POLD1: variants seen among roughly 807,000 people sequenced by gnomAD.
POLD1 encodes the protein DNA polymerase delta catalytic subunit.
Under a neutral mutation model 129.7 loss-of-function variants are expected in POLD1, and 79 were observed. The observed-to-expected ratio is 0.61, with a 90% CI of 0.51 to 0.73. The LOEUF is 0.73. POLD1 is among the 30% of genes least tolerant of loss of function. The probability of loss-of-function intolerance (pLI) is 0.00; values close to 1 mark genes in which losing one functional copy is unlikely to be tolerated. For missense variants in POLD1, 1,338 were observed against 1,595.8 expected, an observed-to-expected ratio of 0.84 and a Z score of 2.75; for synonymous variants, 714 against 683.3, an observed-to-expected ratio of 1.04 and a Z score of -0.70.
At position 50,406,032 on chromosome 19, in the gene POLD1, A is replaced by T; in HGVS notation, c.1243-150A>T. ...CCCTCCCCAGTCTCCAGCCACCCAC[A>T]CCCAGCCCCAGACCGTCTTTCTGCC... On this transcript the variant is annotated intron_variant, in intron 10 of 26. Coordinates refer to ENST00000440232, the MANE Select transcript of POLD1 (RefSeq NM_002691.4). The surrounding 1 kb of genome is among the most constrained non-coding windows in gnomAD (Gnocchi z 5.5). 1.1e-6 allele frequency: 1 copy of T among 872,400 alleles called. No individual in the cohort carries two copies. The highest frequency in any genetic ancestry group is 1.8e-6 in the Non-Finnish European group (1 of 559,216). 54.0% of individuals were successfully genotyped at this position (872,400 alleles called of 1,614,324 possible).
Position 50,409,751 on chromosome 19 carries a change from T to G in POLD1, c.2154+85T>G. 7.0e-7 allele frequency: 1 copy of G among 1,424,792 alleles called. No homozygotes were observed. The highest frequency in any genetic ancestry group is 9.5e-7 in the Non-Finnish European group (1 of 1,051,056). The allele number at this position is 1,424,792 out of a possible 1,614,324, so 88.3% of individuals were successfully genotyped here. On this transcript the variant is annotated intron_variant, in intron 17 of 26. Coordinates refer to ENST00000440232, the MANE Select transcript of POLD1 (RefSeq NM_002691.4). The surrounding 1 kb of genome is among the most constrained non-coding windows in gnomAD (Gnocchi z 5.8). ...CAGGGCTCCATGTGGGGGACCTGTA[T>G]CCAGAGGACTGGGCACCCCAACTCA...
chr19:50,415,111 C>A (rs912510101), intron 20 of POLD1, 121 bp downstream of exon 20: 2 of 951,992 alleles, frequency 2.1e-6, no homozygotes, highest in Non-Finnish European at 3.0e-6. Flanking sequence ...GCCCCCAGCC[C>A]CCTCCTCCTC....
intron 1 of POLD1, among the ~76,000 whole-genome samples, chr19:50,390,352 C>G (rs971915829): frequency 2.0e-5 from 3 of 151,740 alleles, no homozygotes; most frequent in African/African-American, 7.3e-5. Context: ...AAGGTTGCCC[C>G]GGGAGGATGG....
chr19:50,397,825 A>G (rs2038425879), intron 1 of POLD1, among the ~76,000 whole-genome samples: 1 of 152,234 alleles, frequency 6.6e-6, no homozygotes, highest in Non-Finnish European at 1.5e-5. Flanking sequence ...AAAGCAGGTT[A>G]CTATAAACGG....
Position 50,402,757 on chromosome 19 carries a change from C to G in POLD1, c.970+16C>G. On this transcript the variant is annotated intron_variant, in intron 8 of 26. Transcript: ENST00000440232. ...GGCCGCAAAGGTCTGTCCCCGGGCC[C>G]GGGCTCCTGCCCGCCTCATTGATGT... The G allele has an allele frequency of 6.4e-7, 1 of 1,573,528 alleles. No homozygotes were observed. The highest frequency in any genetic ancestry group is 8.7e-7 in the Non-Finnish European group (1 of 1,155,182).
At chr19:50,407,619 C>T (rs965209402) in intron 14 of POLD1, among the ~76,000 whole-genome samples, 5 of 150,938 alleles carry the variant, frequency 3.3e-5, no homozygotes, top group African/African-American at 4.9e-5. Context: ...AGTGCAGTGG[C>T]GCAATCTCAG....
chr19:50,390,939 A>G (rs2038137081), intron 1 of POLD1, among the ~76,000 whole-genome samples: 1 of 152,178 alleles, frequency 6.6e-6, no homozygotes, highest in South Asian at 2.1e-4. Flanking sequence ...TTTTCTTAGT[A>G]CAGAACAAAA....
In POLD1 at chr19:50,415,813, A is replaced by T. The variant is rs1568638877; in HGVS notation, c.2807A>T (p.Tyr936Phe). Residue 936 changes from tyrosine to phenylalanine, a missense_variant, in exon 22 of 27, where the codon TAC becomes TTC. Coordinates refer to ENST00000440232, the MANE Select transcript of POLD1 (RefSeq NM_002691.4). ...IISAAKGVAA[Y>F]MKSEDPLFVL... Reference sequence around the variant, plus strand: ...AGTGCCGCCAAGGGTGTGGCCGCCTACATGAAGTCGGAGGTCAGGCCCACC... The same window carrying T: ...AGTGCCGCCAAGGGTGTGGCCGCCTTCATGAAGTCGGAGGTCAGGCCCACC... The T allele has an allele frequency of 6.5e-7, 1 of 1,533,214 alleles. No individual in the cohort carries two copies. The highest frequency in any genetic ancestry group is 8.8e-7 in the Non-Finnish European group (1 of 1,139,674). 95.0% of individuals were successfully genotyped at this position (1,533,214 alleles called of 1,614,324 possible).
rs761526047 is a variant in POLD1 at position 50,406,451 on chromosome 19, C to A, written c.1428C>A (p.Ala476=). ...AGCTCCGCTCCTACACGCTCAATGC[C>A]GTGAGCTTCCACTTCCTGGGCGAGC... ...EYKLRSYTLN[A]VSFHFLGEQK... Residue 476 remains alanine, a synonymous_variant, in exon 12 of 27, where the codon GCC becomes GCA. Transcript: ENST00000440232. The surrounding 1 kb of genome is among the most constrained non-coding windows in gnomAD (Gnocchi z 5.5). 1 of 1,599,820 alleles carries A rather than the reference C, an allele frequency of 6.3e-7. No individual in the cohort carries two copies. Among genetic ancestry groups the A allele is most frequent in the East Asian group, 2.3e-5 (1 of 44,122 alleles).
At chr19:50,412,349 C>T (rs1313218129) in intron 17 of POLD1, among the ~76,000 whole-genome samples, 2 of 152,038 alleles carry the variant, frequency 1.3e-5, no homozygotes, top group Non-Finnish European at 2.9e-5. Flanking sequence ...GACGGGGTTT[C>T]ACCATGTTGG....
chr19:50,399,584 C>T, intron 3 of POLD1, 100 bp downstream of exon 3: 1 of 851,836 alleles, frequency 1.2e-6, no homozygotes, highest in Admixed American at 2.0e-5. Context: ...GGGGCAGAGG[C>T]CGGGCCAGGT....
chr19:50,415,816 T>A lies in POLD1; in HGVS notation c.2810T>A (p.Met937Lys), dbSNP rs1011628932. 1.3e-6 allele frequency: 2 copies of A among 1,529,430 alleles called. No homozygotes were observed. The highest frequency in any genetic ancestry group is 1.8e-6 in the Non-Finnish European group (2 of 1,137,552). 94.7% of individuals were successfully genotyped at this position (1,529,430 alleles called of 1,614,324 possible). A position where few individuals can be genotyped will look rare whatever the true frequency, so the allele number is the denominator to read the frequency against. Residue 937 changes from methionine to lysine, a missense_variant, in exon 22 of 27, where the codon ATG (methionine) becomes AAG (lysine). Physicochemically the swap from Met to Lys is moderately conservative, Grantham distance 95 (BLOSUM62 -1). This residue lies in a region of POLD1 where 286 missense variants were observed against 277.5 expected (regional missense o/e 1.03). Transcript: ENST00000440232. ...ISAAKGVAAY[M>K]KSEDPLFVLE... ...GCCGCCAAGGGTGTGGCCGCCTACA[T>A]GAAGTCGGAGGTCAGGCCCACCTGG...
chr19:50,395,954 G>A (rs1404967683), intron 1 of POLD1, among the ~76,000 whole-genome samples: 4 of 129,204 alleles, frequency 3.1e-5, no homozygotes, highest in African/African-American at 1.2e-4. Context: ...CTGGGCTCAA[G>A]CGATCCTCCC....
intron 1 of POLD1, among the ~76,000 whole-genome samples, chr19:50,398,623 G>A (rs2038457823): frequency 6.7e-6 from 1 of 150,154 alleles, no homozygotes; most frequent in Non-Finnish European, 1.5e-5. Flanking sequence ...CTAGTGTGAT[G>A]GGAGAGAGGG....
chr19:50,408,329 C>T (rs557835345), intron 14 of POLD1, among the ~76,000 whole-genome samples: 4 of 151,602 alleles, frequency 2.6e-5, no homozygotes, highest in African/African-American at 7.3e-5. Context: ...AGCGAGACTC[C>T]GTCTCAAAAA....
At chr19:50,399,660 C>T (rs1389836371) in intron 3 of POLD1, among the ~76,000 whole-genome samples, 176 bp downstream of exon 3, 1 of 152,148 alleles carries the variant, frequency 6.6e-6, no homozygotes, top group Non-Finnish European at 1.5e-5. Context: ...CCAGTGGGTG[C>T]CAGGGGTTGT....
Position 50,417,279 on chromosome 19 carries a change from A to G in POLD1, c.3218+10A>G, listed in dbSNP as rs2463239. The stretch of plus-strand genomic sequence containing the variant: ...ACGTCATCTGCACCAGGTGTGTGCC[A>G]TGTCCCGACCCTGGGCTGCCCCGCC... On this transcript the variant is annotated intron_variant, in intron 26 of 26. Transcript: ENST00000440232. 38,968 of 1,568,710 alleles carry G rather than the reference A, an allele frequency of 0.025. 5,179 individuals are homozygous for G. The African/African-American group carries it at 0.36, about 14-fold the overall frequency.
At chr19:50,390,469 G>A (rs1040469458) in intron 1 of POLD1, among the ~76,000 whole-genome samples, 12 of 151,938 alleles carry the variant, frequency 7.9e-5, no homozygotes, top group African/African-American at 2.9e-4. Context: ...AGGACATCCT[G>A]TTTCTAGGAG....
intron 1 of POLD1, among the ~76,000 whole-genome samples, chr19:50,397,439 C>T (rs546788131): frequency 1.7e-4 from 25 of 146,658 alleles, no homozygotes; most frequent in African/African-American, 5.8e-4. Context: ...GAGTCTTGCT[C>T]TGTGGCCCAG....
Sources: allele counts gnomAD v4.1 joint callset (sites outside exome capture counted in the v4.1 genomes callset), GRCh38; gene constraint gnomAD v4.1.1; regional missense constraint gnomAD v4.1.1; non-coding constraint Gnocchi (gnomAD v3.1); transcripts MANE v1.5; gene names NCBI Gene and HGNC (gene_info 2026-07-23, HGNC 2026-07-21).